C17orf107: variants seen among roughly 807,000 people sequenced by gnomAD.
C17orf107 encodes uncharacterized protein C17orf107.
In C17orf107, 9 loss-of-function variants were observed where a neutral mutation model predicts 8.9. The observed-to-expected ratio is 1.02, with a 90% CI of 0.61 to 1.77. The LOEUF is 1.77. Ranked by LOEUF, C17orf107 falls within the 40% of genes most tolerant of loss-of-function variation. The pLI is 0.00. For missense variants in C17orf107, 281 were observed against 249.0 expected (o/e 1.13, Z -0.86); for synonymous variants, 139 against 120.3 (o/e 1.16, Z -1.02).
rs908171458 is a variant in C17orf107 at position 4,901,797 on chromosome 17, T to C, written c.*1264T>C. 1.2e-5 allele frequency: 17 copies of C among 1,377,124 alleles called. No individual in the cohort carries two copies. The highest frequency in any genetic ancestry group is 2.4e-5 in the South Asian group (2 of 84,494). The allele number at this position is 1,377,124 out of a possible 1,614,324, so 85.3% of individuals were successfully genotyped here. On this transcript the variant is annotated 3_prime_UTR_variant, in exon 3 of 3. Transcript: ENST00000381365. ...CTGTACCTCCGGCCGCGCTGGAGCG[T>C]CCCACCCAGTGCCTACGCCTGGCTC...
rs568493651 is a variant in C17orf107, at chr17:4,900,062, C to G, written c.193C>G (p.Leu65Val). ...EPPEPKMQGM[L>V]PAPKPTLGLV... Reference sequence around the variant, plus strand: ...ACCCGAACCGAAGATGCAGGGGATGCTGCCTGCCCCGAAGCCCACCCTGGG... The same window carrying G: ...ACCCGAACCGAAGATGCAGGGGATGGTGCCTGCCCCGAAGCCCACCCTGGG... Residue 65 changes from leucine to valine, a missense_variant, in exon 2 of 3, where the codon CTG (leucine) becomes GTG (valine). Physicochemically the swap from Leu to Val is conservative, Grantham distance 32 (BLOSUM62 1). Coordinates refer to ENST00000381365, the MANE Select transcript of C17orf107 (RefSeq NM_001145536.2). 5 of 1,551,176 alleles carry G rather than the reference C, an allele frequency of 3.2e-6. No individual in the cohort carries two copies. The South Asian group carries it at 3.6e-5, about 11-fold the overall frequency.
chr17:4,902,106 C>A lies in C17orf107; in HGVS notation c.*1573C>A, dbSNP rs201555272. 192 of 1,613,864 alleles carry A rather than the reference C, an allele frequency of 1.2e-4. No individual in the cohort carries two copies. Among genetic ancestry groups the A allele is most frequent in the Non-Finnish European group, 1.5e-4 (182 of 1,180,012 alleles). On this transcript the variant is annotated 3_prime_UTR_variant, in exon 3 of 3. Transcript: ENST00000381365. The surrounding 1 kb of genome is among the most constrained non-coding windows in gnomAD (Gnocchi z 4.0). Reference sequence around the variant, plus strand: ...ATCAATACTGTGGGCTCGGGGAAACCGAGCTTTTTGCACAGGTCTGCACCC... The same window carrying A: ...ATCAATACTGTGGGCTCGGGGAAACAGAGCTTTTTGCACAGGTCTGCACCC...
chr17:4,901,038 C>T lies in C17orf107; in HGVS notation c.*505C>T. 6.2e-7 allele frequency: 1 copy of T among 1,614,074 alleles called. No individual in the cohort carries two copies. Among genetic ancestry groups the T allele is most frequent in the Non-Finnish European group, 8.5e-7 (1 of 1,179,972 alleles). On this transcript the variant is annotated 3_prime_UTR_variant, in exon 3 of 3. Transcript: ENST00000381365. ...AGCAGCACCAGGCCCGAGATGAGCA[C>T]ACAGGGCACGATGATGTTAATGACG... is the stretch of plus-strand genomic sequence containing the variant.
chr17:4,904,486 G>A (rs1320480517), downstream of C17orf107, among the ~76,000 whole-genome samples: 1 of 152,150 alleles, frequency 6.6e-6, no homozygotes, highest in African/African-American at 2.4e-5. Flanking sequence ...CCAGGAATCT[G>A]TATTTTTAGG....
downstream of C17orf107, among the ~76,000 whole-genome samples, chr17:4,904,870 T>G (rs1034764067): frequency 1.3e-5 from 2 of 152,184 alleles, no homozygotes; most frequent in Admixed American, 6.5e-5. Flanking sequence ...AAAGCCTCTG[T>G]TTCCACTGCT....
Position 4,902,387 on chromosome 17 carries a change from G to C in C17orf107, c.*1854G>C. On this transcript the variant is annotated 3_prime_UTR_variant, in exon 3 of 3. Transcript: ENST00000381365. The surrounding 1 kb of genome is among the most constrained non-coding windows in gnomAD (Gnocchi z 4.0). ...ATCTCCCACCTGGCGCTGCCTGGGA[G>C]GGGTTTGGGGGAAAAGGGGTGCCCT... 1.9e-6 allele frequency: 3 copies of C among 1,613,762 alleles called. No homozygotes were observed. The highest frequency in any genetic ancestry group is 2.5e-6 in the Non-Finnish European group (3 of 1,179,636).
rs1257197423 is a variant in C17orf107 at position 4,901,468 on chromosome 17, G to A, written c.*935G>A. On this transcript the variant is annotated 3_prime_UTR_variant, in exon 3 of 3. Coordinates refer to ENST00000381365, the MANE Select transcript of C17orf107 (RefSeq NM_001145536.2). ...GGTCCGGGGCAAGCCCACCGTGGAA[G>A]TCCCCTCTCTGGACCCCGTCTAGAA... is the stretch of plus-strand genomic sequence containing the variant. 11 of 1,522,860 alleles carry A rather than the reference G, an allele frequency of 7.2e-6. No individual in the cohort carries two copies. Among genetic ancestry groups the A allele is most frequent in the South Asian group, 3.4e-5 (3 of 89,180 alleles). 94.3% of individuals were successfully genotyped at this position (1,522,860 alleles called of 1,614,324 possible). A position where few individuals can be genotyped will look rare whatever the true frequency, so the allele number is the denominator to read the frequency against.
At chr17:4,903,208 T>A, downstream of C17orf107, 3 of 834,288 alleles carry the variant, frequency 3.6e-6, no homozygotes, top group Non-Finnish European at 5.9e-6. Flanking sequence ...CTGCTGCAGC[T>A]GGGGACATTT....
At chr17:4,903,164 G>A (rs1357370335), downstream of C17orf107, 3 of 1,198,236 alleles carry the variant, frequency 2.5e-6, no homozygotes, top group Non-Finnish European at 3.7e-6. Context: ...GTTCCGGGCT[G>A]TTAGGGGACT....
In C17orf107 at chr17:4,899,988, C is replaced by G; in HGVS notation, c.119C>G (p.Ala40Gly). 1 of 1,551,562 alleles carries G rather than the reference C, an allele frequency of 6.4e-7. No individual in the cohort carries two copies. Residue 40 changes from alanine to glycine, a missense_variant, in exon 2 of 3, where the codon GCC becomes GGC. By Grantham distance (60) the Ala-to-Gly change is moderately conservative. Transcript: ENST00000381365. The part of the protein sequence containing the change: ...LSSLELSVAA[A>G]HEYLEQRFRE... ...TCCCTGGAACTCTCCGTGGCCGCAG[C>G]CCATGAATATCTGGAGCAGAGGTTC...
At position 4,902,123 on chromosome 17, in the gene C17orf107, T is replaced by G. The variant is rs772792493; in HGVS notation, c.*1590T>G. The G allele has an allele frequency of 6.2e-7, 1 of 1,613,454 alleles. No individual in the cohort carries two copies. Among genetic ancestry groups the G allele is most frequent in the South Asian group, 1.1e-5 (1 of 91,062 alleles). On this transcript the variant is annotated 3_prime_UTR_variant, in exon 3 of 3. Transcript: ENST00000381365. The surrounding 1 kb of genome is among the most constrained non-coding windows in gnomAD (Gnocchi z 4.0). ...GGGGAAACCGAGCTTTTTGCACAGG[T>G]CTGCACCCTCTCAGAGTACCCCCTT... is the stretch of plus-strand genomic sequence containing the variant.
Position 4,899,958 on chromosome 17 carries a change from T to G in C17orf107, c.89T>G (p.Leu30Arg). ...STEVALQPPL[L>R]SSLELSVAAA... ...CAGGTGGCCCTCCAGCCCCCGCTTC[T>G]GTCTTCCCTGGAACTCTCCGTGGCC... Residue 30 changes from leucine (L) to arginine (R), a missense_variant, in exon 2 of 3, where the codon CTG (leucine) becomes CGG (arginine). Physicochemically the swap from Leu to Arg is moderately radical, Grantham distance 102 (BLOSUM62 -2). Coordinates refer to ENST00000381365, the MANE Select transcript of C17orf107 (RefSeq NM_001145536.2). 3 of 1,551,172 alleles carry G rather than the reference T, an allele frequency of 1.9e-6. No homozygotes were observed. Among genetic ancestry groups the G allele is most frequent in the Non-Finnish European group, 2.6e-6 (3 of 1,146,726 alleles).
In C17orf107 at chr17:4,902,393, TG is replaced by T. The variant is rs886918234; in HGVS notation, c.*1865del. On this transcript the variant is annotated 3_prime_UTR_variant, in exon 3 of 3. Transcript: ENST00000381365. This position sits in a 1 kb window ranked among gnomAD's most constrained non-coding sequence, Gnocchi z 4.0. ...CACCTGGCGCTGCCTGGGAGGGGTT[TG>T]GGGGAAAAGGGGTGCCCTGGACAAG... The T allele has an allele frequency of 5.0e-6, 8 of 1,613,658 alleles. No homozygotes were observed. In the African/African-American group the frequency reaches 1.1e-4, roughly 22 times the overall value.
chr17:4,902,154 A>G lies in C17orf107; in HGVS notation c.*1621A>G, dbSNP rs553084042. On this transcript the variant is annotated 3_prime_UTR_variant, in exon 3 of 3. Transcript: ENST00000381365. The surrounding 1 kb of genome is among the most constrained non-coding windows in gnomAD (Gnocchi z 4.0). ...CCCTCTCAGAGTACCCCCTTCCCCA[A>G]CCAAGTCCAGCCCGCACCCCAGGCC... is the stretch of plus-strand genomic sequence containing the variant. 3 of 1,611,810 alleles carry G rather than the reference A, an allele frequency of 1.9e-6. No individual in the cohort carries two copies. The highest frequency in any genetic ancestry group is 2.2e-5 in the South Asian group (2 of 90,986).
At position 4,902,471 on chromosome 17, in the gene C17orf107, G is replaced by A. The variant is rs764949297; in HGVS notation, c.*1938G>A. 3 of 1,614,176 alleles carry A rather than the reference G, an allele frequency of 1.9e-6. No homozygotes were observed. Among genetic ancestry groups the A allele is most frequent in the Non-Finnish European group, 2.5e-6 (3 of 1,180,026 alleles). Reference sequence around the variant, plus strand: ...TCACGATTCCAATCCAGACGCTAGTGGTGAGAGTCTCCTCTTTTTCATTCT... The same window carrying A: ...TCACGATTCCAATCCAGACGCTAGTAGTGAGAGTCTCCTCTTTTTCATTCT... On this transcript the variant is annotated 3_prime_UTR_variant, in exon 3 of 3. Transcript: ENST00000381365. The surrounding 1 kb of genome is among the most constrained non-coding windows in gnomAD (Gnocchi z 4.0).
chr17:4,901,773 T>G lies in C17orf107; in HGVS notation c.*1240T>G. On this transcript the variant is annotated 3_prime_UTR_variant, in exon 3 of 3. Coordinates refer to ENST00000381365, the MANE Select transcript of C17orf107 (RefSeq NM_001145536.2). ...CAGCCCGCACGCCTCTGTTCCCATC[T>G]GTACCTCCGGCCGCGCTGGAGCGTC... The G allele has an allele frequency of 7.9e-7, 1 of 1,260,842 alleles. No individual in the cohort carries two copies. Among genetic ancestry groups the G allele is most frequent in the South Asian group, 1.2e-5 (1 of 81,490 alleles). The allele number at this position is 1,260,842 out of a possible 1,614,324, so 78.1% of individuals were successfully genotyped here.
chr17:4,900,957 G>A lies in C17orf107; in HGVS notation c.*424G>A, dbSNP rs751857871. On this transcript the variant is annotated 3_prime_UTR_variant, in exon 3 of 3. Transcript: ENST00000381365. ...GGCCCCGCCTCCCGGGAGCGAGCCC[G>A]GGTTTGGGGGTAGGTTCGGGGCCAC... 6.8e-6 allele frequency: 11 copies of A among 1,613,864 alleles called. No individual in the cohort carries two copies. Among genetic ancestry groups the A allele is most frequent in the South Asian group, 5.5e-5 (5 of 91,092 alleles).
Position 4,901,884 on chromosome 17 carries a change from G to GTC in C17orf107, c.*1351_*1352insTC. The GTC allele has an allele frequency of 6.6e-7, 1 of 1,526,282 alleles. No individual in the cohort carries two copies. The highest frequency in any genetic ancestry group is 9.0e-7 in the Non-Finnish European group (1 of 1,111,216). The allele number at this position is 1,526,282 out of a possible 1,614,324, so 94.5% of individuals were successfully genotyped here. ...TTCCCGGTTGGCCCCGCCCCATAAG[G>GTC]CCCCCCCCCAACAATAATCGTCCGG... On this transcript the variant is annotated 3_prime_UTR_variant, in exon 3 of 3. Transcript: ENST00000381365.
At position 4,901,159 on chromosome 17, in the gene C17orf107, C is replaced by T. The variant is rs770306808; in HGVS notation, c.*626C>T. 1 of 1,609,316 alleles carries T rather than the reference C, an allele frequency of 6.2e-7. No homozygotes were observed. ...CACCGTGGTGGCGGCGGATCACCCC[C>T]GGGCAGAAGTCGATGGCCCACTCGC... is the stretch of plus-strand genomic sequence containing the variant. On this transcript the variant is annotated 3_prime_UTR_variant, in exon 3 of 3. Coordinates refer to ENST00000381365, the MANE Select transcript of C17orf107 (RefSeq NM_001145536.2).
Sources: gnomAD v4.1 joint callset for allele counts (sites outside exome capture counted in the v4.1 genomes callset) on GRCh38, gnomAD v4.1.1 for gene constraint, Gnocchi (gnomAD v3.1) non-coding constraint, MANE v1.5 for transcripts, NCBI Gene and HGNC (gene_info 2026-07-23, HGNC 2026-07-21) for gene names.